Variants in SFI1 observed in about 807,000 individuals in gnomAD.
SFI1 encodes the protein SFI1 centrin binding protein.
Under a neutral mutation model 207.5 loss-of-function variants are expected in SFI1, and 195 were observed. The ratio of observed to expected loss-of-function variants is 0.94; its 90% CI spans 0.84 to 1.06. The LOEUF (loss-of-function observed/expected upper bound fraction) is 1.06. SFI1 is among the 50% of genes least tolerant of loss of function. The probability of loss-of-function intolerance (pLI) is 0.00; values close to 1 mark genes in which losing one functional copy is unlikely to be tolerated. For missense variants in SFI1, 1,634 were observed against 1,588.0 expected (o/e 1.03, Z -0.49); for synonymous variants, 630 against 598.9 (o/e 1.05, Z -0.76).
chr22:31,503,486 A>T (rs1341397525), intron 1 of SFI1, among the ~76,000 whole-genome samples: 1 of 150,280 alleles, frequency 6.7e-6, no homozygotes, highest in African/African-American at 2.5e-5. Flanking sequence ...CTTTAACCTT[A>T]TGGTTCGTTC....
At chr22:31,517,611 C>T (rs1446923940) in intron 2 of SFI1, among the ~76,000 whole-genome samples, 5 of 152,062 alleles carry the variant, frequency 3.3e-5, no homozygotes, top group African/African-American at 1.2e-4. Flanking sequence ...TTGTCCAGAC[C>T]TCCTGAAATT....
At chr22:31,559,917 T>C in intron 7 of SFI1, 1 of 609,596 alleles carries the variant, frequency 1.6e-6, no homozygotes. Flanking sequence ...GGCTGTACCA[T>C]GGGCGGGTCC....
intron 1 of SFI1, among the ~76,000 whole-genome samples, chr22:31,499,474 A>C (rs1007150139): frequency 6.7e-6 from 1 of 149,958 alleles, no homozygotes; most frequent in Non-Finnish European, 1.5e-5. Context: ...GCCTGGTGAA[A>C]GTGGTTTCTT....
At chr22:31,573,642 T>A (rs1400470048) in intron 9 of SFI1, among the ~76,000 whole-genome samples, 1 of 152,160 alleles carries the variant, frequency 6.6e-6, no homozygotes, top group Non-Finnish European at 1.5e-5. Context: ...TTCATAACTT[T>A]GGCCAGGCTA....
chr22:31,589,782 A>ATT (rs377108190), intron 15 of SFI1, among the ~76,000 whole-genome samples: 1 of 150,490 alleles, frequency 6.6e-6, no homozygotes, highest in Non-Finnish European at 1.5e-5. Flanking sequence ...GTCCATCTTT[A>ATT]TTTATTTATT....
intron 5 of SFI1, among the ~76,000 whole-genome samples, chr22:31,548,289 G>A (rs562317123): frequency 6.6e-6 from 1 of 151,848 alleles, no homozygotes; most frequent in Non-Finnish European, 1.5e-5. Flanking sequence ...TATGGGGAAG[G>A]CCGAGTGTGG....
At chr22:31,528,585 C>A in intron 2 of SFI1, 105 bp from the exon 3 acceptor site, 1 of 1,021,486 alleles carries the variant, frequency 9.8e-7, no homozygotes, top group Non-Finnish European at 1.5e-6. Flanking sequence ...TATTGTCAGT[C>A]TCAATGAGCT....
intron 7 of SFI1, among the ~76,000 whole-genome samples, chr22:31,558,051 G>A (rs2061339326): frequency 6.6e-6 from 1 of 152,074 alleles, no homozygotes; most frequent in Admixed American, 6.6e-5. Context: ...CACTTACTTG[G>A]GTTTGAATCC....
chr22:31,553,571 C>T (rs1430008357), intron 6 of SFI1, among the ~76,000 whole-genome samples: 1 of 140,162 alleles, frequency 7.1e-6, no homozygotes, highest in Non-Finnish European at 1.5e-5. Flanking sequence ...CAGGGTTTCA[C>T]CATGTTAGCC....
Position 31,602,660 on chromosome 22 carries a change from C to G in SFI1, c.1680C>G (p.His560Gln). 1 of 1,614,188 alleles carries G rather than the reference C, an allele frequency of 6.2e-7. No homozygotes were observed. Among genetic ancestry groups the G allele is most frequent in the South Asian group, 1.1e-5 (1 of 91,090 alleles). Reference sequence around the variant, plus strand: ...TGTATAGGTCTTGGTTCATGTGGCACCAGCAGGCAGCAGCACGTCACCAGG... The same window carrying G: ...TGTATAGGTCTTGGTTCATGTGGCAGCAGCAGGCAGCAGCACGTCACCAGG... ...QLLYRSWFMW[H>Q]QQAAARHQEQ... is the part of the protein sequence containing the mutation. Residue 560 changes from histidine to glutamine, a missense_variant, in exon 17 of 33, where the codon CAC (histidine) becomes CAG (glutamine). By Grantham distance (24) the His-to-Gln change is conservative (BLOSUM62 0). Transcript: ENST00000400288.
intron 2 of SFI1, among the ~76,000 whole-genome samples, chr22:31,522,839 A>G (rs1167695655): frequency 6.6e-6 from 1 of 152,090 alleles, no homozygotes; most frequent in East Asian, 1.9e-4. Context: ...TATTTTTAGT[A>G]GAGACGGGGT....
At chr22:31,586,451 G>A (rs1459394703) in intron 14 of SFI1, among the ~76,000 whole-genome samples, 2 of 152,214 alleles carry the variant, frequency 1.3e-5, no homozygotes, top group Non-Finnish European at 2.9e-5. Flanking sequence ...ATGAACTGCT[G>A]TTGATTTCTT....
chr22:31,559,854 A>G, intron 7 of SFI1: 2 of 681,740 alleles, frequency 2.9e-6, no homozygotes, highest in East Asian at 2.9e-5. Context: ...GGACCGCACC[A>G]CTTCTGGGGC....
rs113830352 is a variant in SFI1 at position 31,554,844 on chromosome 22, G to A, written c.545-2098G>A. ...CTCTTAAACACTAACTATATTACAC[G>A]AATTTTAATAAGTTATATTTCTGTT... On this transcript the variant is annotated intron_variant, in intron 6 of 32. Coordinates refer to ENST00000400288, the MANE Select transcript of SFI1 (RefSeq NM_001007467.3). 2.6e-5 allele frequency among the ~76,000 whole-genome samples: 4 copies of A among 151,900 alleles called. 1 individual carries two copies. Among genetic ancestry groups the A allele is most frequent in the Admixed American group, 2.0e-4 (3 of 15,224 alleles).
chr22:31,592,966 C>T (rs1207076430), intron 15 of SFI1, among the ~76,000 whole-genome samples: 602 of 106,142 alleles, frequency 5.7e-3, no homozygotes, highest in Non-Finnish European at 6.6e-3. Context: ...CCGGACGGGG[C>T]GGCTGGCCGG....
intron 15 of SFI1, among the ~76,000 whole-genome samples, chr22:31,599,043 C>T (rs192214268): frequency 9.9e-5 from 15 of 151,404 alleles, no homozygotes; most frequent in South Asian, 8.4e-4. Context: ...CCGCCCGCCT[C>T]GGCCTCCCAA....
chr22:31,600,583 C>G lies in SFI1; in HGVS notation c.1545-1629C>G, dbSNP rs1047992637. ...AAAATTTTGGGTATTTCCCTCTGTTCAGCTGTCTCCTTTCTAGTACCCTGA... is the reference window on the plus strand; with the variant it reads ...AAAATTTTGGGTATTTCCCTCTGTTGAGCTGTCTCCTTTCTAGTACCCTGA... On this transcript the variant is annotated intron_variant, in intron 15 of 32. Transcript: ENST00000400288. Among the ~76,000 whole-genome samples, 102 of 152,290 alleles carry G rather than the reference C, an allele frequency of 6.7e-4. 1 individual carries two copies. The highest frequency in any genetic ancestry group is 3.4e-3 in the Middle Eastern group (1 of 292).
chr22:31,593,441 G>C (rs1369624396), intron 15 of SFI1, among the ~76,000 whole-genome samples: 2 of 140,960 alleles, frequency 1.4e-5, no homozygotes, highest in Non-Finnish European at 3.1e-5. Flanking sequence ...ATGTGATGGC[G>C]GCTGGGAAGA....
chr22:31,533,699 A>G (rs2058728719), intron 4 of SFI1, among the ~76,000 whole-genome samples: 1 of 152,018 alleles, frequency 6.6e-6, no homozygotes. Context: ...GTTCACCTCT[A>G]TTTTACCTTC....
Sources: gnomAD v4.1 joint callset for allele counts (sites outside exome capture counted in the v4.1 genomes callset) on GRCh38, gnomAD v4.1.1 for gene constraint, MANE v1.5 for transcripts, NCBI Gene and HGNC (gene_info 2026-07-23, HGNC 2026-07-21) for gene names.